ZFYVE9: variants seen among roughly 807,000 people sequenced by gnomAD.
The protein encoded by ZFYVE9 is zinc finger FYVE domain-containing protein 9.
In ZFYVE9, 43 loss-of-function variants were observed where a neutral mutation model predicts 126.7. That is an observed-to-expected ratio of 0.34 (90% CI 0.27 to 0.44). The LOEUF is 0.44. Ranked by LOEUF, ZFYVE9 falls within the 20% of genes least tolerant of loss-of-function variation. The pLI, the probability that ZFYVE9 is intolerant of heterozygous loss-of-function variation, is 1.00. For missense variants in ZFYVE9, 1,476 were observed against 1,697.0 expected, an observed-to-expected ratio of 0.87 and a Z score of 2.29; for synonymous variants, 521 against 597.4, an observed-to-expected ratio of 0.87 and a Z score of 1.87.
rs1221830914 is a variant in ZFYVE9 at position 52,266,715 on chromosome 1, C to T, written c.2339C>T (p.Ala780Val). 3.1e-6 allele frequency: 5 copies of T among 1,612,248 alleles called. No homozygotes were observed. Among genetic ancestry groups the T allele is most frequent in the Non-Finnish European group, 4.2e-6 (5 of 1,179,222 alleles). The change falls in exon 6 of 19, where the codon GCT becomes GTT. Residue 780 changes from alanine to valine, a missense_variant. Physicochemically the swap from Ala to Val is moderately conservative, Grantham distance 64. Coordinates refer to ENST00000287727, the MANE Select transcript of ZFYVE9 (RefSeq NM_004799.4). ...SSQSPNPNNP[A>V]EYCSTIPPLQ... ...CAGAGCCCTAACCCTAACAATCCTGCTGAATACTGTTCTACTATCCCTCCC... is the reference window on the plus strand; with the variant it reads ...CAGAGCCCTAACCCTAACAATCCTGTTGAATACTGTTCTACTATCCCTCCC...
In ZFYVE9 at chr1:52,239,105, C is replaced by A; in HGVS notation, c.1688C>A (p.Pro563His). 6.2e-7 allele frequency: 1 copy of A among 1,614,018 alleles called. No individual in the cohort carries two copies. Among genetic ancestry groups the A allele is most frequent in the Non-Finnish European group, 8.5e-7 (1 of 1,179,966 alleles). ...QVPSVLGQSS[P>H]KVVASLPSIS... ...CCATCAGTGCTTGGGCAATCTTCCCCCAAGGTAGTAGCAAGCCTGCCATCT... is the reference window on the plus strand; with the variant it reads ...CCATCAGTGCTTGGGCAATCTTCCCACAAGGTAGTAGCAAGCCTGCCATCT... Residue 563 changes from proline (P) to histidine (H), a missense_variant, in exon 4 of 19, where the codon CCC (proline) becomes CAC (histidine). Physicochemically the swap from Pro to His is moderately conservative, Grantham distance 77. Transcript: ENST00000287727.
chr1:52,200,471 G>A (rs1644913254), intron 1 of ZFYVE9, among the ~76,000 whole-genome samples: 1 of 152,170 alleles, frequency 6.6e-6, no homozygotes, highest in Non-Finnish European at 1.5e-5. Context: ...GTAAGCCACT[G>A]TGCCTGGCCA....
chr1:52,181,676 A>G (rs1644705861), intron 1 of ZFYVE9, among the ~76,000 whole-genome samples: 1 of 151,596 alleles, frequency 6.6e-6, no homozygotes, highest in African/African-American at 2.4e-5. Flanking sequence ...CTAGGAAGTG[A>G]GGAGCGTCTC....
chr1:52,151,141 A>G (rs1644353110), intron 1 of ZFYVE9, among the ~76,000 whole-genome samples: 1 of 152,128 alleles, frequency 6.6e-6, no homozygotes, highest in African/African-American at 2.4e-5. Context: ...TTCCAAGCTG[A>G]TCATTCCTCC....
At chr1:52,182,064 G>A (rs1277563430) in intron 1 of ZFYVE9, among the ~76,000 whole-genome samples, 16 of 151,240 alleles carry the variant, frequency 1.1e-4, no homozygotes, top group African/African-American at 3.4e-4. Flanking sequence ...TCAGCCCCTC[G>A]CCCGGCCAGC....
intron 13 of ZFYVE9, among the ~76,000 whole-genome samples, chr1:52,327,332 G>A (rs1056689903): frequency 6.6e-6 from 1 of 151,890 alleles, no homozygotes; most frequent in African/African-American, 2.4e-5. Flanking sequence ...GGCCAGGCGC[G>A]GTGGCTCACA....
At chr1:52,321,451 A>G (rs1646238959) in intron 13 of ZFYVE9, among the ~76,000 whole-genome samples, 1 of 152,242 alleles carries the variant, frequency 6.6e-6, no homozygotes, top group African/African-American at 2.4e-5. Flanking sequence ...TTATTGGTAT[A>G]GCTTTTCCTA....
At chr1:52,180,389 C>T (rs748228972) in intron 1 of ZFYVE9, 9 of 1,524,978 alleles carry the variant, frequency 5.9e-6, no homozygotes, top group Admixed American at 1.7e-5. Flanking sequence ...TGGTGTTTGG[C>T]GGCATTAACC....
chr1:52,167,277 G>T (rs918615983), intron 1 of ZFYVE9, among the ~76,000 whole-genome samples: 1 of 151,958 alleles, frequency 6.6e-6, no homozygotes, highest in Non-Finnish European at 1.5e-5. Context: ...TCCAATGTTA[G>T]GTACTTCCTT....
At chr1:52,291,296 C>G (rs1244807941) in intron 10 of ZFYVE9, among the ~76,000 whole-genome samples, 1 of 152,150 alleles carries the variant, frequency 6.6e-6, no homozygotes, top group Non-Finnish European at 1.5e-5. Context: ...CCGCTAAAAT[C>G]AAGGATGCAA....
At chr1:52,215,842 T>C (rs1486424171) in intron 1 of ZFYVE9, among the ~76,000 whole-genome samples, 1 of 152,122 alleles carries the variant, frequency 6.6e-6, no homozygotes, top group Admixed American at 6.6e-5. Flanking sequence ...GGTTAATAGA[T>C]CCATTGCTTC....
chr1:52,174,492 T>C (rs893408449), intron 1 of ZFYVE9, among the ~76,000 whole-genome samples: 1 of 152,162 alleles, frequency 6.6e-6, no homozygotes, highest in Non-Finnish European at 1.5e-5. Flanking sequence ...TGATTTGGGG[T>C]GGAGAGTTCT....
At chr1:52,200,840 A>C (rs921202565) in intron 1 of ZFYVE9, among the ~76,000 whole-genome samples, 9 of 151,944 alleles carry the variant, frequency 5.9e-5, no homozygotes, top group African/African-American at 1.9e-4. Flanking sequence ...TGGCCTCTCT[A>C]TTCTGTTTTA....
intron 4 of ZFYVE9, among the ~76,000 whole-genome samples, chr1:52,242,971 A>G (rs1007955728): frequency 3.9e-5 from 6 of 152,180 alleles, no homozygotes; most frequent in African/African-American, 1.2e-4. Flanking sequence ...ATGTCATAGC[A>G]CTTATCATGC....
chr1:52,323,131 T>C (rs1488420094), intron 13 of ZFYVE9, among the ~76,000 whole-genome samples: 3 of 152,156 alleles, frequency 2.0e-5, no homozygotes, highest in African/African-American at 7.2e-5. Flanking sequence ...TTATAACTAT[T>C]CCTTTTCTGT....
In ZFYVE9 at chr1:52,346,047, C is replaced by G. The variant is rs776319677; in HGVS notation, c.4117-13C>G. The G allele has an allele frequency of 3.2e-6, 5 of 1,568,390 alleles. No individual in the cohort carries two copies. In the African/African-American group the frequency reaches 5.5e-5, roughly 17 times the overall value. The stretch of plus-strand genomic sequence containing the variant: ...GTTCAGTAACCTCTCCTCCTTTTCT[C>G]TCTGTGGTATAGGTTGGCTATCAAG... On this transcript the variant is annotated splice_polypyrimidine_tract_variant and intron_variant, in intron 18 of 18. Transcript: ENST00000287727.
At chr1:52,336,362 T>G (rs1646388888) in intron 15 of ZFYVE9, among the ~76,000 whole-genome samples, 1 of 120,742 alleles carries the variant, frequency 8.3e-6, no homozygotes, top group Non-Finnish European at 1.7e-5. Context: ...CTAAGAGGTT[T>G]TTTTTGTTTT....
At chr1:52,199,568 C>T (rs1234667659) in intron 1 of ZFYVE9, among the ~76,000 whole-genome samples, 2 of 152,158 alleles carry the variant, frequency 1.3e-5, no homozygotes, top group East Asian at 3.8e-4. Context: ...CTTTTATTTA[C>T]CTACCATTCA....
intron 18 of ZFYVE9, 65 bp downstream of exon 18, chr1:52,345,009 T>C: frequency 6.4e-7 from 1 of 1,553,252 alleles, no homozygotes; most frequent in East Asian, 2.2e-5. Context: ...CTGACGTGAG[T>C]TTTTCTGCAT....
Sources: allele counts gnomAD v4.1 joint callset (sites outside exome capture counted in the v4.1 genomes callset), GRCh38; gene constraint gnomAD v4.1.1; transcripts MANE v1.5; gene names NCBI Gene and HGNC (gene_info 2026-07-23, HGNC 2026-07-21).